Variants in GBF1 observed in about 807,000 individuals in gnomAD.
GBF1 encodes the protein Golgi-specific brefeldin A-resistance guanine nucleotide exchange factor 1.
GBF1 carries 114 observed loss-of-function variants against 210.5 expected under a neutral mutation model. That is an observed-to-expected ratio of 0.54 (90% CI 0.47 to 0.63). The LOEUF is 0.63. Among genes scored for constraint, GBF1 ranks in the 30% least tolerant of loss-of-function variants. The pLI is 0.00. For synonymous variants in GBF1, 850 were observed against 889.2 expected, an observed-to-expected ratio of 0.96 and a Z score of 0.78; for missense variants, 1,851 against 2,357.7, an observed-to-expected ratio of 0.79 and a Z score of 4.45.
intron 3 of GBF1, among the ~76,000 whole-genome samples, chr10:102,267,568 T>A (rs983581611): frequency 6.6e-6 from 1 of 152,212 alleles, no homozygotes; most frequent in East Asian, 1.9e-4. Context: ...GCTGGAGTCC[T>A]ATTGATTAAG....
intron 3 of GBF1, among the ~76,000 whole-genome samples, chr10:102,335,420 C>T (rs1441013498): frequency 6.6e-6 from 1 of 152,204 alleles, no homozygotes; most frequent in African/African-American, 2.4e-5. Flanking sequence ...ATTCAGCCTG[C>T]TTACTATGAG....
At chr10:102,361,156 A>C (rs780780360) in intron 13 of GBF1, 36 bp downstream of exon 13, 43 of 1,082,352 alleles carry the variant, frequency 4.0e-5, no homozygotes, top group Non-Finnish European at 5.3e-5. Flanking sequence ...AGGGGGAAAA[A>C]AAATAGGGAG....
intron 3 of GBF1, among the ~76,000 whole-genome samples, chr10:102,301,847 A>ACTTCC (rs1196035174): frequency 1.3e-5 from 2 of 152,186 alleles, no homozygotes; most frequent in African/African-American, 2.4e-5. Context: ...GACGCTCCTC[A>ACTTCC]CTTCCCAGAA....
intron 3 of GBF1, among the ~76,000 whole-genome samples, chr10:102,267,726 A>G (rs1418457562): frequency 2.6e-5 from 4 of 152,260 alleles, no homozygotes; most frequent in Admixed American, 2.0e-4. Context: ...AGGCCTAAGT[A>G]GGAACTAAAA....
intron 17 of GBF1, 72 bp from the exon 18 acceptor site, chr10:102,365,325 G>C (rs2135127517): frequency 8.8e-7 from 1 of 1,142,292 alleles, no homozygotes; most frequent in South Asian, 1.3e-5. Flanking sequence ...GGTGGGCTAT[G>C]GTGGACTCCA....
At chr10:102,293,769 G>GTTTTTTTTTTT (rs2076658017) in intron 3 of GBF1, among the ~76,000 whole-genome samples, 5 of 27,756 alleles carry the variant, frequency 1.8e-4, no homozygotes, top group Admixed American at 4.9e-4. Flanking sequence ...AGTATGTTTT[G>GTTTTTTTTTTT]TGTTTTTTTT....
chr10:102,361,004 C>A lies in GBF1; in HGVS notation c.1393-18C>A. 3 of 1,216,932 alleles carry A rather than the reference C, an allele frequency of 2.5e-6. No individual in the cohort carries two copies. The highest frequency in any genetic ancestry group is 3.7e-6 in the Non-Finnish European group (3 of 820,128). The allele number at this position is 1,216,932 out of a possible 1,614,324, so 75.4% of individuals were successfully genotyped here. A position where few individuals can be genotyped will look rare whatever the true frequency, so the allele number is the denominator to read the frequency against. On this transcript the variant is annotated intron_variant, in intron 12 of 39. Coordinates refer to ENST00000369983, the MANE Select transcript of GBF1 (RefSeq NM_001377137.1). The stretch of plus-strand genomic sequence containing the variant: ...AAAAAAAAAAAAAACTCATGGCCTA[C>A]CCTGCTCTCATCTCCAGCTACTCAG...
At chr10:102,335,262 A>G (rs2057647649) in intron 3 of GBF1, among the ~76,000 whole-genome samples, 1 of 152,036 alleles carries the variant, frequency 6.6e-6, no homozygotes. Flanking sequence ...TCATCTTAGA[A>G]CATGGACCAG....
intron 3 of GBF1, among the ~76,000 whole-genome samples, chr10:102,290,344 C>T (rs1177121234): frequency 6.6e-6 from 1 of 152,036 alleles, no homozygotes; most frequent in African/African-American, 2.4e-5. Context: ...CATGCATTTA[C>T]CTAATATATT....
intron 3 of GBF1, among the ~76,000 whole-genome samples, chr10:102,320,806 T>A (rs757715368): frequency 5.3e-5 from 8 of 151,742 alleles, no homozygotes; most frequent in Admixed American, 1.3e-4. Context: ...TTTTTTTTTT[T>A]AAATGGAGTC....
intron 3 of GBF1, among the ~76,000 whole-genome samples, chr10:102,313,276 CG>C (rs2078642492): frequency 6.6e-6 from 1 of 152,094 alleles, no homozygotes; most frequent in East Asian, 1.9e-4. Flanking sequence ...ACACATGAGT[CG>C]GTACTGCAGT....
At chr10:102,325,651 TG>T (rs1357076757) in intron 3 of GBF1, among the ~76,000 whole-genome samples, 3 of 151,980 alleles carry the variant, frequency 2.0e-5, no homozygotes, top group Non-Finnish European at 4.4e-5. Context: ...AAGTTTTTTT[TG>T]TTTTTGTTTT....
At position 102,362,541 on chromosome 10, in the gene GBF1, G is replaced by A; in HGVS notation, c.1753G>A (p.Val585Met). 6.2e-7 allele frequency: 1 copy of A among 1,613,962 alleles called. No homozygotes were observed. Among genetic ancestry groups the A allele is most frequent in the Admixed American group, 1.7e-5 (1 of 60,012 alleles). The change falls in exon 15 of 40, where the codon GTG becomes ATG. Residue 585 changes from valine (V) to methionine (M), a missense_variant. Around this residue, in one of 3 missense-constraint regions of GBF1, gnomAD observed 804 missense variants for 958.6 expected, o/e 0.84. Coordinates refer to ENST00000369983, the MANE Select transcript of GBF1 (RefSeq NM_001377137.1). ...HLLSLDALLT[V>M]IDSTEAHCQA... The stretch of plus-strand genomic sequence containing the variant: ...ACTATCTCTTGATGCCCTATTGACA[G>A]TGATTGACAGCACCGAGGCCCACTG...
chr10:102,268,154 C>T (rs2074050646), intron 3 of GBF1, among the ~76,000 whole-genome samples: 1 of 152,176 alleles, frequency 6.6e-6, no homozygotes, highest in Non-Finnish European at 1.5e-5. Context: ...GAAGTTCTTC[C>T]AAACATTTGT....
chr10:102,332,924 A>G (rs1295587505), intron 3 of GBF1, among the ~76,000 whole-genome samples: 1 of 152,238 alleles, frequency 6.6e-6, no homozygotes, highest in African/African-American at 2.4e-5. Flanking sequence ...GATAGCTGAG[A>G]AAAGAGCCAC....
intron 3 of GBF1, among the ~76,000 whole-genome samples, chr10:102,264,904 C>G (rs2073690931): frequency 6.6e-6 from 1 of 152,210 alleles, no homozygotes; most frequent in African/African-American, 2.4e-5. Flanking sequence ...TCTCTTACAT[C>G]TGCCCAAGCC....
At chr10:102,305,175 T>TTGTGTGTGTGTG (rs60026956) in intron 3 of GBF1, among the ~76,000 whole-genome samples, 39 of 139,740 alleles carry the variant, frequency 2.8e-4, no homozygotes, top group African/African-American at 1.0e-3. Flanking sequence ...ATATGCAGAT[T>TTGTGTGTGTGTG]TGTGTGTGTG....
chr10:102,316,190 G>A (rs1014245559), intron 3 of GBF1, among the ~76,000 whole-genome samples: 1 of 150,434 alleles, frequency 6.6e-6, no homozygotes, highest in African/African-American at 2.5e-5. Flanking sequence ...GGGTTCAAGC[G>A]ATTCTCCTGC....
At position 102,380,315 on chromosome 10, in the gene GBF1, T is replaced by C. The variant is rs766473617; in HGVS notation, c.4945T>C (p.Leu1649=). The C allele has an allele frequency of 6.2e-7, 1 of 1,614,098 alleles. No individual in the cohort carries two copies. The highest frequency in any genetic ancestry group is 2.2e-5 in the East Asian group (1 of 44,876). ...STFAALWLTI[L]DFMDKYMHAG... is the part of the protein sequence containing the mutation. ...CTTTGCGGCCCTCTGGCTCACCATC[T>C]TGGACTTCATGGACAAGTACATGCA... The change falls in exon 37 of 40, where the codon TTG becomes CTG. Residue 1649 remains leucine (L), a synonymous_variant. Transcript: ENST00000369983.
Sources: gnomAD v4.1 joint callset for allele counts (sites outside exome capture counted in the v4.1 genomes callset) on GRCh38, gnomAD v4.1.1 for gene constraint, gnomAD v4.1.1 regional missense constraint, MANE v1.5 for transcripts, NCBI Gene and HGNC (gene_info 2026-07-23, HGNC 2026-07-21) for gene names.